The following PLSCR5 variants were observed in gnomAD, a reference collection of about 807,000 sequenced individuals.
PLSCR5 encodes phospholipid scramblase family, member 5.
Under a neutral mutation model 33.6 loss-of-function variants are expected in PLSCR5, and 44 were observed. The observed-to-expected ratio is 1.31, with a 90% CI of 1.03 to 1.69. The LOEUF (loss-of-function observed/expected upper bound fraction) is 1.69. PLSCR5 is among the 40% of genes most tolerant of loss of function. PLSCR5 has a pLI of 0.00. For synonymous variants in PLSCR5, 148 were observed against 112.3 expected (o/e 1.32, Z -2.01); for missense variants, 375 against 318.7 (o/e 1.18, Z -1.34).
In PLSCR5 at chr3:146,596,122, G is replaced by A. The variant is rs192510601; in HGVS notation, c.190-1039C>T. ...AAATGATGATTAAATTAAAAAATCT[G>A]TAATGCAAATTGCTTTTTAAAGGAA... On this transcript the variant is annotated intron_variant, in intron 2 of 7. Coordinates refer to ENST00000443512, the MANE Select transcript of PLSCR5 (RefSeq NM_001085420.2). Among the ~76,000 whole-genome samples the A allele has an allele frequency of 3.3e-5, 5 of 152,284 alleles. No homozygotes were observed. In the East Asian group the frequency reaches 5.8e-4, roughly 18 times the overall value.
Position 146,605,180 on chromosome 3 carries a change from T to G in PLSCR5, c.13+20A>C. On this transcript the variant is annotated intron_variant, in intron 1 of 7. Transcript: ENST00000443512. ...TCTTAATATAAGAAAAAGTTATTAGTTGGTTATATTTACTCTTACCTTTAG... is the reference window on the plus strand; with the variant it reads ...TCTTAATATAAGAAAAAGTTATTAGGTGGTTATATTTACTCTTACCTTTAG... 2 of 1,602,884 alleles carry G rather than the reference T, an allele frequency of 1.2e-6. No homozygotes were observed. The highest frequency in any genetic ancestry group is 1.3e-5 in the African/African-American group (1 of 74,800).
intron 5 of PLSCR5, among the ~76,000 whole-genome samples, 185 bp downstream of exon 5, chr3:146,591,535 A>T (rs79258006): frequency 6.6e-6 from 1 of 151,974 alleles, no homozygotes; most frequent in Non-Finnish European, 1.5e-5. Flanking sequence ...CTTGGACTTT[A>T]TATCTCTGGA....
At chr3:146,577,154 T>C (rs1415678509) in intron 7 of PLSCR5, among the ~76,000 whole-genome samples, 1 of 152,122 alleles carries the variant, frequency 6.6e-6, no homozygotes, top group Non-Finnish European at 1.5e-5. Context: ...TTTTTCTACA[T>C]TTATATTGCT....
At chr3:146,588,568 TAC>T (rs145182423) in intron 6 of PLSCR5, among the ~76,000 whole-genome samples, 1 of 151,512 alleles carries the variant, frequency 6.6e-6, no homozygotes, top group African/African-American at 2.4e-5. Context: ...CACACACATA[TAC>T]ACACACACAC....
chr3:146,605,047 C>T (rs1004067203), intron 1 of PLSCR5, among the ~76,000 whole-genome samples, 153 bp downstream of exon 1: 1 of 152,070 alleles, frequency 6.6e-6, no homozygotes, highest in African/African-American at 2.4e-5. Flanking sequence ...ACTCAACATG[C>T]TCCTGGGAGT....
At chr3:146,597,456 A>G (rs1354027529) in intron 2 of PLSCR5, among the ~76,000 whole-genome samples, 2 of 152,130 alleles carry the variant, frequency 1.3e-5, no homozygotes, top group African/African-American at 4.8e-5. Flanking sequence ...AATTTAAGGG[A>G]AATAAGTCTT....
intron 1 of PLSCR5, 74 bp downstream of exon 1, chr3:146,605,126 G>C: frequency 6.9e-7 from 1 of 1,449,820 alleles, no homozygotes; most frequent in Non-Finnish European, 9.5e-7. Context: ...CTAACTGGTT[G>C]TAACACATCC....
chr3:146,576,877 A>G (rs1378441024), intron 7 of PLSCR5, among the ~76,000 whole-genome samples: 2 of 152,078 alleles, frequency 1.3e-5, no homozygotes, highest in Non-Finnish European at 2.9e-5. Context: ...TGATTACTAT[A>G]GTTTTGAAAG....
downstream of PLSCR5, among the ~76,000 whole-genome samples, chr3:146,582,465 C>T (rs1229975990): frequency 6.6e-6 from 1 of 152,098 alleles, no homozygotes; most frequent in Non-Finnish European, 1.5e-5. Flanking sequence ...GATGCCCAGC[C>T]CTCATTGGTT....
intron 6 of PLSCR5, among the ~76,000 whole-genome samples, chr3:146,587,747 C>T (rs1560106067): frequency 6.6e-6 from 1 of 152,012 alleles, no homozygotes; most frequent in Admixed American, 6.6e-5. Context: ...AGTTTAAAAA[C>T]CTAGCACTCT....
chr3:146,584,961 TG>T (rs2044656815), downstream of PLSCR5, among the ~76,000 whole-genome samples: 1 of 152,162 alleles, frequency 6.6e-6, no homozygotes, highest in South Asian at 2.1e-4. Flanking sequence ...GTGGTATTTG[TG>T]TAAGTCTAAA....
intron 4 of PLSCR5, 118 bp from the exon 5 acceptor site, chr3:146,591,999 A>T: frequency 1.2e-6 from 1 of 854,214 alleles, no homozygotes; most frequent in Non-Finnish European, 1.7e-6. Context: ...GATATTCTAC[A>T]AATCATTCTA....
At position 146,589,909 on chromosome 3, in the gene PLSCR5, T is replaced by C. The variant is rs866921039; in HGVS notation, c.616-95A>G. 4.5e-5 allele frequency: 34 copies of C among 755,650 alleles called. 1 individual carries two copies. In the Middle Eastern group the frequency reaches 4.3e-3, roughly 95 times the overall value. 46.8% of individuals were successfully genotyped at this position (755,650 alleles called of 1,614,324 possible). ...TTACTTCATGAGAGATTTGAATTAT[T>C]TTATTTGTCATCTTCAAAATGACAA... On this transcript the variant is annotated intron_variant, in intron 5 of 7. Transcript: ENST00000443512.
chr3:146,578,858 G>T (rs137977157), intron 7 of PLSCR5, among the ~76,000 whole-genome samples: 1 of 152,030 alleles, frequency 6.6e-6, no homozygotes, highest in African/African-American at 2.4e-5. Context: ...AATCAAAAAT[G>T]CCTTGAAATG....
chr3:146,579,939 CTTTG>C (rs763422740), intron 7 of PLSCR5, among the ~76,000 whole-genome samples: 31 of 152,172 alleles, frequency 2.0e-4, no homozygotes, highest in Admixed American at 4.6e-4. Flanking sequence ...TCTTCTGTGC[CTTTG>C]TTTGTGCTGT....
intron 6 of PLSCR5, among the ~76,000 whole-genome samples, chr3:146,588,823 G>T (rs2044686239): frequency 6.6e-6 from 1 of 152,116 alleles, no homozygotes; most frequent in South Asian, 2.1e-4. Flanking sequence ...TATAATTAGG[G>T]GAAAAGGCAT....
intron 7 of PLSCR5, among the ~76,000 whole-genome samples, chr3:146,580,093 A>G (rs1180387498): frequency 6.6e-6 from 1 of 152,168 alleles, no homozygotes; most frequent in Non-Finnish European, 1.5e-5. Context: ...ATGGTATTGA[A>G]TGCTTCCTTT....
rs567737180 is a variant in PLSCR5, at chr3:146,587,653, T to A, written c.778-1541A>T. Among the ~76,000 whole-genome samples, 29 of 151,926 alleles carry A rather than the reference T, an allele frequency of 1.9e-4. No homozygotes were observed. In the South Asian group the frequency reaches 5.4e-3, roughly 28 times the overall value. ...TGGATAGAGGAGAATAGGGAAGAGA[T>A]GACATTAGGCAACAGGCAAGGTGGA... is the stretch of plus-strand genomic sequence containing the variant. On this transcript the variant is annotated intron_variant, in intron 6 of 7. Transcript: ENST00000443512.
rs761296393 is a variant in PLSCR5 at position 146,593,968 on chromosome 3, G to A, written c.405C>T (p.Asn135=). The A allele has an allele frequency of 1.2e-6, 2 of 1,613,822 alleles. No homozygotes were observed. Among genetic ancestry groups the A allele is most frequent in the South Asian group, 1.1e-5 (1 of 91,076 alleles). The change falls in exon 4 of 8, where the codon AAC becomes AAT. Residue 135 remains asparagine (N), a synonymous_variant. Coordinates refer to ENST00000443512, the MANE Select transcript of PLSCR5 (RefSeq NM_001085420.2). ...AGCAGCTGTTACATCTCAAGGGCCT[G>A]TTCACTGTAATGACCTCTCGACCTG... ...DNSGREVITV[N]RPLRCNSCWC... is the part of the protein sequence containing the mutation.
Sources: allele counts gnomAD v4.1 joint callset (sites outside exome capture counted in the v4.1 genomes callset), GRCh38; gene constraint gnomAD v4.1.1; transcripts MANE v1.5; gene names NCBI Gene and HGNC (gene_info 2026-07-23, HGNC 2026-07-21).